Variants in GPC6 observed in about 807,000 individuals in gnomAD.
The protein encoded by GPC6 is glypican 6.
In GPC6, 14 loss-of-function variants were observed where a neutral mutation model predicts 55.2. The ratio of observed to expected loss-of-function variants is 0.25; its 90% CI spans 0.17 to 0.40. The LOEUF is 0.40. GPC6 is among the 10% of genes least tolerant of loss of function. GPC6 has a pLI of 1.00. For synonymous variants in GPC6, 278 were observed against 259.6 expected (o/e 1.07, Z -0.68); for missense variants, 641 against 708.5 (o/e 0.90, Z 1.08).
At chr13:93,614,773 C>T (rs973204760) in intron 2 of GPC6, among the ~76,000 whole-genome samples, 9 of 152,020 alleles carry the variant, frequency 5.9e-5, no homozygotes, top group African/African-American at 1.4e-4. Context: ...AAGAAAAATA[C>T]ACCATTCAAG....
At position 93,646,858 on chromosome 13, in the gene GPC6, G is replaced by GA. The variant is rs11344204; in HGVS notation, c.319+101449dup. Among the ~76,000 whole-genome samples, 888 of 142,648 alleles carry GA rather than the reference G, an allele frequency of 6.2e-3. 5 individuals carry two copies. The highest frequency in any genetic ancestry group is 0.01 in the African/African-American group (399 of 38,120). The allele number at this position is 142,648 out of a possible 152,430, so 93.6% of individuals were successfully genotyped here. A position where few individuals can be genotyped will look rare whatever the true frequency, so the allele number is the denominator to read the frequency against. On this transcript the variant is annotated intron_variant, in intron 2 of 8. Coordinates refer to ENST00000377047, the MANE Select transcript of GPC6 (RefSeq NM_005708.5). ...TTTTGGTTCCGTGTTATCATGACAT[G>GA]AAAAAAAAAAAACAAAAAAAACAAA...
At position 93,411,517 on chromosome 13, in the gene GPC6, A is replaced by C. The variant is rs963553179; in HGVS notation, c.161-133746A>C. ...GTGCGCAGATAAGAAATTCCCAGAC[A>C]GTGGGAGCACAGCACATTCTGTGGT... is the stretch of plus-strand genomic sequence containing the variant. On this transcript the variant is annotated intron_variant, in intron 1 of 8. Transcript: ENST00000377047. 3.9e-5 allele frequency among the ~76,000 whole-genome samples: 6 copies of C among 152,344 alleles called. 1 individual carries two copies. Among genetic ancestry groups the C allele is most frequent in the Admixed American group, 3.9e-4 (6 of 15,298 alleles).
At chr13:93,365,120 G>C (rs1178838760) in intron 1 of GPC6, among the ~76,000 whole-genome samples, 3 of 152,164 alleles carry the variant, frequency 2.0e-5, no homozygotes, top group African/African-American at 7.2e-5. Context: ...CCCTTTCTCT[G>C]AAGCCATGGA....
chr13:93,847,843 G>T (rs556055707), intron 3 of GPC6, among the ~76,000 whole-genome samples: 3 of 152,236 alleles, frequency 2.0e-5, no homozygotes, highest in African/African-American at 7.2e-5. Flanking sequence ...TGCCTCTGTG[G>T]CTGCAACCAT....
At chr13:93,544,654 T>G (rs1874675563) in intron 1 of GPC6, among the ~76,000 whole-genome samples, 1 of 152,212 alleles carries the variant, frequency 6.6e-6, no homozygotes, top group African/African-American at 2.4e-5. Flanking sequence ...ATTCCTTTCA[T>G]TCTACATTTC....
intron 4 of GPC6, among the ~76,000 whole-genome samples, chr13:94,133,146 A>C (rs1172770337): frequency 2.0e-5 from 3 of 151,738 alleles, no homozygotes; most frequent in Admixed American, 6.6e-5. Context: ...TACGATGGTC[A>C]GGTGCTGCAC....
chr13:93,769,091 T>C (rs1044094818), intron 2 of GPC6, among the ~76,000 whole-genome samples: 17 of 152,040 alleles, frequency 1.1e-4, no homozygotes, highest in Admixed American at 9.8e-4. Context: ...ATGGGATTTT[T>C]CATCGGCTCA....
At chr13:93,395,425 GC>G in intron 1 of GPC6, 1 of 273,428 alleles carries the variant, frequency 3.7e-6, no homozygotes, top group Non-Finnish European at 7.1e-6. Context: ...CAGAAGCAAA[GC>G]CCCATTTCTT....
At chr13:93,693,837 G>C (rs1882349599) in intron 2 of GPC6, among the ~76,000 whole-genome samples, 1 of 152,100 alleles carries the variant, frequency 6.6e-6, no homozygotes. Flanking sequence ...AAGAAGCAGA[G>C]CTTAGGAGTA....
chr13:93,582,044 C>T (rs1459077397), intron 2 of GPC6, among the ~76,000 whole-genome samples: 2 of 152,082 alleles, frequency 1.3e-5, no homozygotes, highest in African/African-American at 2.4e-5. Context: ...ACATGAGAAG[C>T]TTTTGGATTA....
chr13:93,228,985 C>T (rs1479407698), intron 1 of GPC6, among the ~76,000 whole-genome samples: 1 of 152,158 alleles, frequency 6.6e-6, no homozygotes, highest in Non-Finnish European at 1.5e-5. Flanking sequence ...CGCAAATTAC[C>T]ACGCTCATTA....
At chr13:93,326,236 A>T (rs1442509048) in intron 1 of GPC6, among the ~76,000 whole-genome samples, 1 of 152,144 alleles carries the variant, frequency 6.6e-6, no homozygotes, top group African/African-American at 2.4e-5. Flanking sequence ...GGTATAGGCC[A>T]GTGCTTCTTA....
Position 93,286,185 on chromosome 13 carries a change from G to T in GPC6, c.160+58569G>T, listed in dbSNP as rs564245484. On this transcript the variant is annotated intron_variant, in intron 1 of 8. Coordinates refer to ENST00000377047, the MANE Select transcript of GPC6 (RefSeq NM_005708.5). ...AAGGCACCTTTTCATGGGGCGGCAG[G>T]AGAGAGAATGAGTGCCCAGTGAAGA... is the stretch of plus-strand genomic sequence containing the variant. Among the ~76,000 whole-genome samples, 14 of 152,268 alleles carry T rather than the reference G, an allele frequency of 9.2e-5. No individual in the cohort carries two copies. The South Asian group carries it at 1.9e-3, about 20-fold the overall frequency.
intron 3 of GPC6, among the ~76,000 whole-genome samples, chr13:93,920,688 C>A (rs1877523657): frequency 6.6e-6 from 1 of 152,190 alleles, no homozygotes; most frequent in Non-Finnish European, 1.5e-5. Context: ...ACTAATCCTC[C>A]TTCGTCTTCC....
At chr13:94,266,359 G>C (rs909886991) in intron 4 of GPC6, among the ~76,000 whole-genome samples, 3 of 151,952 alleles carry the variant, frequency 2.0e-5, no homozygotes, top group African/African-American at 7.3e-5. Context: ...TAGTAGAGAC[G>C]GGGTTTCACT....
chr13:93,269,306 A>G (rs957440387), intron 1 of GPC6, among the ~76,000 whole-genome samples: 6 of 152,186 alleles, frequency 3.9e-5, no homozygotes, highest in Non-Finnish European at 4.4e-5. Context: ...AAATTTTGAT[A>G]TATTAAGACA....
intron 4 of GPC6, among the ~76,000 whole-genome samples, chr13:94,176,248 A>G (rs1033421131): frequency 1.3e-5 from 2 of 152,104 alleles, no homozygotes; most frequent in East Asian, 3.8e-4. Flanking sequence ...AGGACATAAG[A>G]AAAACATCTC....
intron 3 of GPC6, among the ~76,000 whole-genome samples, chr13:93,880,552 T>C (rs1055206754): frequency 6.6e-6 from 1 of 151,948 alleles, no homozygotes; most frequent in Non-Finnish European, 1.5e-5. Flanking sequence ...CATCACGCTC[T>C]GGGGACTGTT....
chr13:93,776,068 TGGGGGGTG>T (rs1200722639), intron 2 of GPC6, among the ~76,000 whole-genome samples: 3 of 18,564 alleles, frequency 1.6e-4, no homozygotes, highest in African/African-American at 4.4e-4. Flanking sequence ...TTTCTTTTTT[TGGGGGGTG>T]GGGGGGTGGT....
Sources: gnomAD v4.1 joint callset for allele counts (sites outside exome capture counted in the v4.1 genomes callset) on GRCh38, gnomAD v4.1.1 for gene constraint, MANE v1.5 for transcripts, NCBI Gene and HGNC (gene_info 2026-07-23, HGNC 2026-07-21) for gene names.